ANKS1B: variants seen among roughly 807,000 people sequenced by gnomAD.
ANKS1B encodes ankyrin repeat and sterile alpha motif domain-containing protein 1B.
In ANKS1B, 36 loss-of-function variants were observed where a neutral mutation model predicts 148.3. That is an observed-to-expected ratio of 0.24 (90% CI 0.19 to 0.32). The LOEUF is 0.32. ANKS1B is among the 10% of genes least tolerant of loss of function. The pLI is 1.00. For synonymous variants in ANKS1B, 542 were observed against 560.8 expected, an observed-to-expected ratio of 0.97 and a Z score of 0.47; for missense variants, 1,157 against 1,542.6, an observed-to-expected ratio of 0.75 and a Z score of 4.19.
chr12:99,203,692 C>A (rs1417758656), intron 14 of ANKS1B, among the ~76,000 whole-genome samples: 1 of 152,128 alleles, frequency 6.6e-6, no homozygotes, highest in South Asian at 2.1e-4. Flanking sequence ...ACCTCGTGAT[C>A]CACCCGCCTC....
chr12:99,944,482 G>C (rs1488494486), intron 1 of ANKS1B, among the ~76,000 whole-genome samples: 9 of 152,160 alleles, frequency 5.9e-5, no homozygotes, highest in Admixed American at 5.2e-4. Context: ...GACAGAGCTA[G>C]ATACAATGTG....
intron 10 of ANKS1B, among the ~76,000 whole-genome samples, chr12:99,452,432 T>C (rs2095758161): frequency 6.6e-6 from 1 of 152,238 alleles, no homozygotes; most frequent in Admixed American, 6.5e-5. Context: ...TAGAAATTTG[T>C]CATTTGTACA....
At chr12:99,599,591 A>C (rs2097784936) in intron 9 of ANKS1B, among the ~76,000 whole-genome samples, 1 of 152,124 alleles carries the variant, frequency 6.6e-6, no homozygotes, top group Non-Finnish European at 1.5e-5. Flanking sequence ...CAGGAATAAA[A>C]AGAAGAGATG....
chr12:99,873,309 G>A (rs1268868521), intron 1 of ANKS1B, among the ~76,000 whole-genome samples: 1 of 152,126 alleles, frequency 6.6e-6, no homozygotes, highest in African/African-American at 2.4e-5. Context: ...TGTACTGGGG[G>A]ATTTCTAGAT....
intron 12 of ANKS1B, among the ~76,000 whole-genome samples, chr12:99,380,667 GA>G (rs933324453): frequency 2.8e-4 from 42 of 152,056 alleles, no homozygotes; most frequent in Non-Finnish European, 7.4e-5. Flanking sequence ...ATATTGATTA[GA>G]AAAAAATTAC....
intron 17 of ANKS1B, among the ~76,000 whole-genome samples, chr12:98,858,258 GA>G (rs780258575): frequency 6.6e-6 from 1 of 152,168 alleles, no homozygotes; most frequent in Non-Finnish European, 1.5e-5. Flanking sequence ...TTGAGTCAAT[GA>G]AAAAATCATA....
chr12:99,047,455 AATG>A (rs1253298816), intron 17 of ANKS1B, among the ~76,000 whole-genome samples: 2 of 152,204 alleles, frequency 1.3e-5, no homozygotes, highest in African/African-American at 4.8e-5. Flanking sequence ...AGTTGATGAC[AATG>A]ATAAGTCTCA....
intron 17 of ANKS1B, among the ~76,000 whole-genome samples, chr12:98,975,174 C>A (rs117359677): frequency 0.031 from 4,557 of 144,828 alleles, 95 homozygotes; most frequent in Middle Eastern, 0.052. Flanking sequence ...TCCCTCCCAC[C>A]TTCCTCCCTT....
At chr12:98,990,653 G>T (rs1225655530) in intron 17 of ANKS1B, among the ~76,000 whole-genome samples, 3 of 151,942 alleles carry the variant, frequency 2.0e-5, no homozygotes, top group Non-Finnish European at 2.9e-5. Flanking sequence ...CCAGCACAAA[G>T]TCTGGGCTCT....
At chr12:99,837,363 C>T (rs2085021447) in intron 1 of ANKS1B, among the ~76,000 whole-genome samples, 2 of 152,102 alleles carry the variant, frequency 1.3e-5, no homozygotes. Context: ...TGGTAACTTG[C>T]TACAGCAGCA....
chr12:98,783,271 G>A (rs2098755356), intron 22 of ANKS1B, among the ~76,000 whole-genome samples: 1 of 152,244 alleles, frequency 6.6e-6, no homozygotes. Context: ...ATGGCAGACA[G>A]ACCTCAAACT....
intron 1 of ANKS1B, among the ~76,000 whole-genome samples, chr12:99,913,934 T>C (rs149595565): frequency 2.1e-3 from 314 of 152,308 alleles, no homozygotes; most frequent in Non-Finnish European, 3.4e-3. Flanking sequence ...GTAACCTTTA[T>C]AACAAACCCT....
At chr12:99,506,583 C>T (rs2096714197) in intron 9 of ANKS1B, among the ~76,000 whole-genome samples, 1 of 151,954 alleles carries the variant, frequency 6.6e-6, no homozygotes, top group African/African-American at 2.4e-5. Context: ...CTTATAGCCA[C>T]ATAATAGTTT....
intron 8 of ANKS1B, among the ~76,000 whole-genome samples, chr12:99,683,207 G>T (rs959104212): frequency 2.0e-5 from 3 of 152,112 alleles, no homozygotes; most frequent in African/African-American, 7.2e-5. Flanking sequence ...GATGAGATTT[G>T]GGTGGGGACA....
In ANKS1B at chr12:99,981,468, T is replaced by G. The variant is rs569534807; in HGVS notation, c.134+2636A>C. ...ACCCTCAAAGGGCAGTTGTGAGATTTTTTTAATTAGAAAAAAATACCAAAA... is the reference window on the plus strand; with the variant it reads ...ACCCTCAAAGGGCAGTTGTGAGATTGTTTTAATTAGAAAAAAATACCAAAA... On this transcript the variant is annotated intron_variant, in intron 1 of 26. Transcript: ENST00000683438. Among the ~76,000 whole-genome samples, 23 of 152,254 alleles carry G rather than the reference T, an allele frequency of 1.5e-4. No individual in the cohort carries two copies. In the South Asian group the frequency reaches 4.6e-3, roughly 30 times the overall value.
chr12:99,687,222 G>C (rs1415545567), intron 8 of ANKS1B, among the ~76,000 whole-genome samples: 1 of 151,954 alleles, frequency 6.6e-6, no homozygotes, highest in Non-Finnish European at 1.5e-5. Context: ...ATAGTACTCT[G>C]GTAAGTAATA....
chr12:99,252,644 C>A (rs1263858488), intron 12 of ANKS1B, among the ~76,000 whole-genome samples: 1 of 152,154 alleles, frequency 6.6e-6, no homozygotes, highest in Non-Finnish European at 1.5e-5. Flanking sequence ...CACCTACAAG[C>A]CATGGAACCC....
At chr12:99,005,642 A>G (rs2153386569) in intron 17 of ANKS1B, among the ~76,000 whole-genome samples, 1 of 152,252 alleles carries the variant, frequency 6.6e-6, no homozygotes, top group African/African-American at 2.4e-5. Context: ...TGCGCTTTCA[A>G]ATGTGGTAAG....
chr12:99,662,802 C>G (rs2098484154), intron 8 of ANKS1B, among the ~76,000 whole-genome samples: 1 of 152,102 alleles, frequency 6.6e-6, no homozygotes, highest in Admixed American at 6.5e-5. Context: ...CCTCCCCTAT[C>G]AATATTTTTC....
Sources: allele counts gnomAD v4.1 joint callset (sites outside exome capture counted in the v4.1 genomes callset), GRCh38; gene constraint gnomAD v4.1.1; transcripts MANE v1.5; gene names NCBI Gene and HGNC (gene_info 2026-07-23, HGNC 2026-07-21).